XPO4: variants seen among roughly 807,000 people sequenced by gnomAD.
The protein encoded by XPO4 is exportin 4.
In XPO4, 39 loss-of-function variants were observed where a neutral mutation model predicts 143.0. That is an observed-to-expected ratio of 0.27 (90% CI 0.21 to 0.36). The LOEUF (loss-of-function observed/expected upper bound fraction) is 0.36, where lower values mean the gene tolerates loss of function less well. Among genes scored for constraint, XPO4 ranks in the 10% least tolerant of loss-of-function variants. XPO4 has a pLI of 1.00. For synonymous variants in XPO4, 439 were observed against 474.0 expected (o/e 0.93, Z 0.96); for missense variants, 907 against 1,348.0 (o/e 0.67, Z 5.12).
chr13:20,881,300 G>A (rs533874724), intron 1 of XPO4, among the ~76,000 whole-genome samples: 4 of 151,462 alleles, frequency 2.6e-5, no homozygotes, highest in East Asian at 1.9e-4. Context: ...ACAGAGTCTC[G>A]CTCTGTCGCC....
chr13:20,786,968 G>C lies in XPO4; in HGVS notation c.3255C>G (p.His1085Gln). The change falls in exon 22 of 23, where the codon CAC becomes CAG. Residue 1085 changes from histidine (H) to glutamine (Q), a missense_variant. Physicochemically the swap from His to Gln is conservative, Grantham distance 24. Coordinates refer to ENST00000255305, the MANE Select transcript of XPO4 (RefSeq NM_022459.5). ...GEAFYTLVCLHQAEYSELVET... is the reference protein window; with the variant it reads ...GEAFYTLVCLQQAEYSELVET... ...TGAAAAGAGGCATGTCCAGTACCTGGTGCAAACACACCAACGTGTAGAAAG... is the reference window on the plus strand; with the variant it reads ...TGAAAAGAGGCATGTCCAGTACCTGCTGCAAACACACCAACGTGTAGAAAG... 1 of 1,556,214 alleles carries C rather than the reference G, an allele frequency of 6.4e-7. No individual in the cohort carries two copies.
intron 15 of XPO4, 82 bp from the exon 16 acceptor site, chr13:20,799,421 AAAAT>A: frequency 8.3e-7 from 1 of 1,202,220 alleles, no homozygotes; most frequent in Non-Finnish European, 1.1e-6. Flanking sequence ...AAAGAAAACA[AAAAT>A]AAAAAATAAC....
At chr13:20,846,315 A>G (rs1204195870) in intron 4 of XPO4, among the ~76,000 whole-genome samples, 1 of 152,226 alleles carries the variant, frequency 6.6e-6, no homozygotes, top group African/African-American at 2.4e-5. Context: ...TCCCAAGATA[A>G]CATGTGGTTT....
In XPO4 at chr13:20,855,616, A is replaced by T; in HGVS notation, c.456+11T>A. The T allele has an allele frequency of 1.3e-6, 2 of 1,570,328 alleles. No individual in the cohort carries two copies. Among genetic ancestry groups the T allele is most frequent in the Non-Finnish European group, 1.7e-6 (2 of 1,166,150 alleles). On this transcript the variant is annotated intron_variant, in intron 4 of 22. Transcript: ENST00000255305. ...ATTGTTAATATTTATAAATACAAAT[A>T]GCACACTTACCACAGTGGGATTGCC...
In XPO4 at chr13:20,821,825, A is replaced by C; in HGVS notation, c.1052T>G (p.Leu351Arg). 1 of 1,614,118 alleles carries C rather than the reference A, an allele frequency of 6.2e-7. No homozygotes were observed. The highest frequency in any genetic ancestry group is 8.5e-7 in the Non-Finnish European group (1 of 1,179,970). ...AVGISSIISN[L>R]ITVFPRNVLT... is the part of the protein sequence containing the mutation. ...AACATTTCGTGGGAACACGGTTATCAGGTTGCTGATAATGCTGGAGATCCC... is the reference window on the plus strand; with the variant it reads ...AACATTTCGTGGGAACACGGTTATCCGGTTGCTGATAATGCTGGAGATCCC... The change falls in exon 9 of 23, where the codon CTG (leucine) becomes CGG (arginine). Residue 351 changes from leucine (L) to arginine (R), a missense_variant. Coordinates refer to ENST00000255305, the MANE Select transcript of XPO4 (RefSeq NM_022459.5).
At position 20,869,081 on chromosome 13, in the gene XPO4, C is replaced by T. The variant is rs1595147109; in HGVS notation, c.70-380G>A. Among the ~76,000 whole-genome samples the T allele has an allele frequency of 2.0e-5, 3 of 152,224 alleles. No homozygotes were observed. In the East Asian group the frequency reaches 5.8e-4, roughly 29 times the overall value. On this transcript the variant is annotated intron_variant, in intron 1 of 22. Coordinates refer to ENST00000255305, the MANE Select transcript of XPO4 (RefSeq NM_022459.5). Reference sequence around the variant, plus strand: ...ACCTAGTTCAAATAACTTCAAAATTCTTCAATACTGGGGATATTGAATCCA... The same window carrying T: ...ACCTAGTTCAAATAACTTCAAAATTTTTCAATACTGGGGATATTGAATCCA...
At position 20,786,339 on chromosome 13, in the gene XPO4, T is replaced by C. The variant is rs545333300; in HGVS notation, c.3258+626A>G. 4.0e-5 allele frequency among the ~76,000 whole-genome samples: 6 copies of C among 151,456 alleles called. No individual in the cohort carries two copies. In the South Asian group the frequency reaches 1.3e-3, roughly 32 times the overall value. ...TATATATATATATATGTACCTTACA[T>C]ATATATGTGTGTATATATATGCATG... On this transcript the variant is annotated intron_variant, in intron 22 of 22. Coordinates refer to ENST00000255305, the MANE Select transcript of XPO4 (RefSeq NM_022459.5).
In XPO4 at chr13:20,886,848, C is replaced by T. The variant is rs139186836; in HGVS notation, c.69+15822G>A. On this transcript the variant is annotated intron_variant, in intron 1 of 22. Transcript: ENST00000255305. ...CAGCACTTTGGGAGGCCAAGGCGGG[C>T]GTATCACCTGAGGTCAGGAGTTCGA... Among the ~76,000 whole-genome samples, 887 of 151,776 alleles carry T rather than the reference C, an allele frequency of 5.8e-3. 22 individuals carry two copies. The highest frequency in any genetic ancestry group is 0.047 in the East Asian group (241 of 5,112).
intron 7 of XPO4, 77 bp from the exon 8 acceptor site, chr13:20,822,366 G>T: frequency 7.7e-7 from 1 of 1,296,734 alleles, no homozygotes; most frequent in East Asian, 2.4e-5. Context: ...GCCGAATGAG[G>T]TAAGACAAAA....
chr13:20,866,021 A>C, intron 2 of XPO4: 3 of 984,598 alleles, frequency 3.0e-6, no homozygotes, highest in Non-Finnish European at 3.6e-6. Flanking sequence ...CCTGAGAAAG[A>C]GTAAAAGAAT....
intron 1 of XPO4, among the ~76,000 whole-genome samples, chr13:20,884,084 G>A (rs1481695973): frequency 6.6e-6 from 1 of 152,102 alleles, no homozygotes; most frequent in Non-Finnish European, 1.5e-5. Context: ...TGTTAAATAC[G>A]TTCACTAAGG....
At chr13:20,789,751 CGTGT>C (rs144658326) in intron 19 of XPO4, among the ~76,000 whole-genome samples, 14,141 of 152,002 alleles carry the variant, frequency 0.093, 808 homozygotes, top group Non-Finnish European at 0.13. Context: ...GTCTTTATCT[CGTGT>C]GTGTGTGCAC....
intron 3 of XPO4, chr13:20,857,721 C>T (rs2060158613): frequency 1.8e-6 from 1 of 568,202 alleles, no homozygotes; most frequent in South Asian, 7.7e-5. Flanking sequence ...AGCGAGACTC[C>T]ATCTCAAAAA....
intron 18 of XPO4, among the ~76,000 whole-genome samples, chr13:20,790,784 A>G (rs975678196): frequency 6.6e-6 from 1 of 152,000 alleles, no homozygotes. Context: ...AAGATCTGAG[A>G]CCCCAGCCCT....
chr13:20,797,137 C>G, intron 16 of XPO4, 80 bp from the exon 17 acceptor site: 1 of 1,347,416 alleles, frequency 7.4e-7, no homozygotes, highest in Admixed American at 2.5e-5. Flanking sequence ...ATTCACTTTC[C>G]AAAACATTTC....
At position 20,807,938 on chromosome 13, in the gene XPO4, A is replaced by G. The variant is rs536073052; in HGVS notation, c.1640-304T>C. The stretch of plus-strand genomic sequence containing the variant: ...TAAAGTTAATAGAAATTTTGCTACT[A>G]TCTATATTAGAAGTCAATATTAGGG... On this transcript the variant is annotated intron_variant, in intron 12 of 22. Transcript: ENST00000255305. 7.8e-4 allele frequency among the ~76,000 whole-genome samples: 119 copies of G among 152,292 alleles called. 1 individual carries two copies. The highest frequency in any genetic ancestry group is 2.8e-3 in the African/African-American group (118 of 41,570).
At chr13:20,877,749 A>C (rs968303140) in intron 1 of XPO4, among the ~76,000 whole-genome samples, 8 of 152,222 alleles carry the variant, frequency 5.3e-5, no homozygotes, top group Admixed American at 2.0e-4. Context: ...ATGCAACAGA[A>C]ATGTTGCCAA....
At chr13:20,868,378 T>C in intron 2 of XPO4, 2 of 596,226 alleles carry the variant, frequency 3.4e-6, no homozygotes, top group Non-Finnish European at 4.9e-6. Context: ...TTATGAACAC[T>C]ATATCTAGGG....
At chr13:20,895,764 A>G (rs1317895140) in intron 1 of XPO4, among the ~76,000 whole-genome samples, 1 of 152,120 alleles carries the variant, frequency 6.6e-6, no homozygotes, top group Non-Finnish European at 1.5e-5. Flanking sequence ...TCTTATTTTG[A>G]GTATCTTTCC....
Sources: allele counts gnomAD v4.1 joint callset (sites outside exome capture counted in the v4.1 genomes callset), GRCh38; gene constraint gnomAD v4.1.1; transcripts MANE v1.5; gene names NCBI Gene and HGNC (gene_info 2026-07-23, HGNC 2026-07-21).